KIAA1549: variants seen among roughly 807,000 people sequenced by gnomAD.
The protein encoded by KIAA1549 is UPF0606 protein KIAA1549.
KIAA1549 carries 70 observed loss-of-function variants against 156.4 expected under a neutral mutation model. That is an observed-to-expected ratio of 0.45 (90% CI 0.37 to 0.55). The LOEUF (loss-of-function observed/expected upper bound fraction) is 0.55. Ranked by LOEUF, KIAA1549 falls within the 20% of genes least tolerant of loss-of-function variation. KIAA1549 has a pLI of 0.00. For missense variants in KIAA1549, 2,428 were observed against 2,540.9 expected (o/e 0.96, Z 0.96); for synonymous variants, 1,103 against 1,066.4 (o/e 1.03, Z -0.67).
intron 1 of KIAA1549, among the ~76,000 whole-genome samples, chr7:138,951,479 G>A (rs376913153): frequency 3.3e-5 from 5 of 152,162 alleles, no homozygotes; most frequent in African/African-American, 9.6e-5. Flanking sequence ...CTCCCCGCAC[G>A]TTCTCTCTGA....
At position 138,894,507 on chromosome 7, in the gene KIAA1549, C is replaced by T. The variant is rs1811631299; in HGVS notation, c.3867G>A (p.Arg1289=). ...TGTTGCTCTGGGATTCCGGAGACGG[C>T]CTCTTCACCCTGTCGACAGCTGCAG... is the stretch of plus-strand genomic sequence containing the variant. ...VIAQPVDRVK[R]PSPESQSNNL... is the part of the protein sequence containing the mutation. The change falls in exon 10 of 20, where the codon AGG becomes AGA. Residue 1289 remains arginine, a synonymous_variant. Coordinates refer to ENST00000422774, the MANE Select transcript of KIAA1549 (RefSeq NM_001164665.2). The T allele has an allele frequency of 6.2e-7, 1 of 1,613,858 alleles. No individual in the cohort carries two copies. The highest frequency in any genetic ancestry group is 1.7e-5 in the Admixed American group (1 of 59,998).
At chr7:138,977,655 A>AACACACACAC (rs10625706) in intron 1 of KIAA1549, among the ~76,000 whole-genome samples, 24,283 of 146,702 alleles carry the variant, frequency 0.17, 2,041 homozygotes, top group Non-Finnish European at 0.19. Context: ...TACTCAAGAA[A>AACACACACAC]ACACACACAC....
chr7:138,973,379 C>T (rs573807183), intron 1 of KIAA1549, among the ~76,000 whole-genome samples: 1 of 152,268 alleles, frequency 6.6e-6, no homozygotes, highest in African/African-American at 2.4e-5. Flanking sequence ...GGCCCTCATC[C>T]CATCCTTCAA....
rs1244041443 is a variant in KIAA1549, at chr7:138,919,046, G to A, written c.580C>T (p.Leu194Phe). The A allele has an allele frequency of 1.9e-6, 3 of 1,614,024 alleles. No individual in the cohort carries two copies. Among genetic ancestry groups the A allele is most frequent in the Admixed American group, 1.7e-5 (1 of 60,028 alleles). The change falls in exon 2 of 20, where the codon CTC (leucine) becomes TTC (phenylalanine). Residue 194 changes from leucine (L) to phenylalanine (F), a missense_variant. This residue lies in a region of KIAA1549 where 893 missense variants were observed against 847.9 expected (regional missense o/e 1.05). Transcript: ENST00000422774. ...GAAACCATGGGTAATGATGGAGTGA[G>A]CATAGGTTCTAATGCTTCCCTGGGC... is the stretch of plus-strand genomic sequence containing the variant. ...GLPREALEPM[L>F]TPSLPMVSLQ...
At chr7:138,869,902 T>G in intron 13 of KIAA1549, 141 bp from the exon 14 acceptor site, 1 of 651,992 alleles carries the variant, frequency 1.5e-6, no homozygotes. Context: ...CAGGCTGGAG[T>G]GCAATGGCAT....
intron 9 of KIAA1549, among the ~76,000 whole-genome samples, chr7:138,895,132 C>T (rs1007577775): frequency 6.6e-6 from 1 of 152,218 alleles, no homozygotes; most frequent in African/African-American, 2.4e-5. Context: ...GGGACTCAAC[C>T]ATGAACAAGC....
At chr7:138,882,796 G>T (rs920996005) in intron 10 of KIAA1549, among the ~76,000 whole-genome samples, 4 of 151,870 alleles carry the variant, frequency 2.6e-5, no homozygotes, top group African/African-American at 9.7e-5. Flanking sequence ...AAGGAGAAAG[G>T]GCTCTTCAAA....
intron 6 of KIAA1549, among the ~76,000 whole-genome samples, chr7:138,906,261 A>G (rs993090927): frequency 1.3e-5 from 2 of 152,248 alleles, no homozygotes; most frequent in African/African-American, 4.8e-5. Flanking sequence ...ATGTCATTAC[A>G]CATTTGTTCA....
chr7:138,873,569 G>C lies in KIAA1549; in HGVS notation c.4346-2207C>G, dbSNP rs934893053. ...TTCCTCCAGGGTGGCAGAGACTTCT[G>C]GGTTGCTGGGAGACAAAGGTGACAG... On this transcript the variant is annotated intron_variant, in intron 12 of 19. Transcript: ENST00000422774. 2.5e-4 allele frequency among the ~76,000 whole-genome samples: 38 copies of C among 150,148 alleles called. 2 individuals are homozygous for C. Among genetic ancestry groups the C allele is most frequent in the Admixed American group, 1.3e-4 (2 of 14,998 alleles).
At position 138,883,089 on chromosome 7, in the gene KIAA1549, T is replaced by TAAAAAAAAAAAAAA. The variant is rs1201752539; in HGVS notation, c.4033-1519_4033-1506dup. Among the ~76,000 whole-genome samples, 7 of 47,076 alleles carry TAAAAAAAAAAAAAA rather than the reference T, an allele frequency of 1.5e-4. 3 individuals are homozygous for TAAAAAAAAAAAAAA. The highest frequency in any genetic ancestry group is 6.1e-4 in the African/African-American group (7 of 11,558). The allele number at this position is 47,076 out of a possible 152,430, so 30.9% of individuals were successfully genotyped here. A position where few individuals can be genotyped will look rare whatever the true frequency, so the allele number is the denominator to read the frequency against. ...CAACATGGTGAAACCCCATCTCCCC[T>TAAAAAAAAAAAAAA]AAAAAAAAAAAAAAAAAAAAAAAAA... On this transcript the variant is annotated intron_variant, in intron 10 of 19. Coordinates refer to ENST00000422774, the MANE Select transcript of KIAA1549 (RefSeq NM_001164665.2).
At chr7:138,951,398 C>T (rs1476967442) in intron 1 of KIAA1549, among the ~76,000 whole-genome samples, 1 of 152,200 alleles carries the variant, frequency 6.6e-6, no homozygotes, top group Non-Finnish European at 1.5e-5. Flanking sequence ...CTTGACTCTG[C>T]TGCCACCCTG....
intron 17 of KIAA1549, among the ~76,000 whole-genome samples, chr7:138,846,632 A>G (rs558761606): frequency 2.6e-5 from 4 of 152,120 alleles, no homozygotes; most frequent in Admixed American, 2.6e-4. Context: ...AAAAAAGGGA[A>G]ATAATATCTT....
chr7:138,883,862 C>T (rs1194537279), intron 10 of KIAA1549, among the ~76,000 whole-genome samples: 1 of 152,176 alleles, frequency 6.6e-6, no homozygotes, highest in Non-Finnish European at 1.5e-5. Context: ...TGGTCTTCAT[C>T]CCAGTTTCCT....
chr7:138,911,787 C>T (rs1233105059), intron 3 of KIAA1549, among the ~76,000 whole-genome samples: 2 of 152,162 alleles, frequency 1.3e-5, no homozygotes, highest in African/African-American at 4.8e-5. Flanking sequence ...ATATTCTACC[C>T]TCCTTTTTTC....
Position 138,917,165 on chromosome 7 carries a change from G to T in KIAA1549, c.2461C>A (p.His821Asn). The T allele has an allele frequency of 6.2e-7, 1 of 1,613,934 alleles. No homozygotes were observed. The highest frequency in any genetic ancestry group is 2.2e-5 in the East Asian group (1 of 44,880). Residue 821 changes from histidine to asparagine, a missense_variant, in exon 2 of 20, where the codon CAC becomes AAC. Coordinates refer to ENST00000422774, the MANE Select transcript of KIAA1549 (RefSeq NM_001164665.2). ...PDDQISALDGHVSVLASFSKA... is the reference protein window; with the variant it reads ...PDDQISALDGNVSVLASFSKA... Reference sequence around the variant, plus strand: ...GAGAAAGAGGCCAGGACAGACACGTGACCGTCTAGAGCACTGATTTGGTCG... The same window carrying T: ...GAGAAAGAGGCCAGGACAGACACGTTACCGTCTAGAGCACTGATTTGGTCG...
intron 1 of KIAA1549, among the ~76,000 whole-genome samples, chr7:138,919,975 C>G (rs186877174): frequency 3.9e-5 from 6 of 152,156 alleles, no homozygotes; most frequent in African/African-American, 7.2e-5. Context: ...TTCCCCAGTT[C>G]CTCAGCTGTG....
intron 2 of KIAA1549, among the ~76,000 whole-genome samples, chr7:138,912,767 AG>A (rs1381584651): frequency 1.3e-5 from 2 of 152,192 alleles, no homozygotes; most frequent in Non-Finnish European, 2.9e-5. Context: ...TGACCCAGCC[AG>A]GGGACAAGGA....
At chr7:138,846,064 C>G (rs1275338771) in intron 17 of KIAA1549, among the ~76,000 whole-genome samples, 1 of 152,186 alleles carries the variant, frequency 6.6e-6, no homozygotes, top group African/African-American at 2.4e-5. Flanking sequence ...ACACAGACTA[C>G]TAAAGACTTA....
intron 10 of KIAA1549, among the ~76,000 whole-genome samples, chr7:138,894,102 G>A (rs146160084): frequency 3.3e-5 from 5 of 152,246 alleles, no homozygotes; most frequent in African/African-American, 4.8e-5. Flanking sequence ...AGTAGAACCC[G>A]GAGGGCATGT....
Sources: gnomAD v4.1 joint callset for allele counts (sites outside exome capture counted in the v4.1 genomes callset) on GRCh38, gnomAD v4.1.1 for gene constraint, gnomAD v4.1.1 regional missense constraint, MANE v1.5 for transcripts, NCBI Gene and HGNC (gene_info 2026-07-23, HGNC 2026-07-21) for gene names.